The following DCAF1 variants were observed in gnomAD, a reference collection of about 807,000 sequenced individuals.
DCAF1 encodes DDB1- and CUL4-associated factor 1.
A neutral mutation model predicts 128.0 loss-of-function variants in DCAF1; 15 were observed. The observed-to-expected ratio is 0.12, with a 90% CI of 0.08 to 0.18. DCAF1 has a LOEUF of 0.18. Among genes scored for constraint, DCAF1 ranks in the 10% least tolerant of loss-of-function variants. The pLI is 1.00. For missense variants in DCAF1, 988 were observed against 1,649.5 expected (o/e 0.60, Z 6.95); for synonymous variants, 610 against 603.0 (o/e 1.01, Z -0.17).
chr3:51,492,632 T>C (rs994928733), intron 2 of DCAF1, among the ~76,000 whole-genome samples: 1 of 152,166 alleles, frequency 6.6e-6, no homozygotes, highest in Non-Finnish European at 1.5e-5. Flanking sequence ...GACTGTAGTT[T>C]AAGAAATGAG....
At position 51,415,392 on chromosome 3, in the gene DCAF1, G is replaced by A. The variant is rs186153870; in HGVS notation, c.3604-535C>T. ...CGCCTGTAGTCCCAGCTACTCAGGA[G>A]GCTGAGGTAAGAGGATTGCTTGAGT... On this transcript the variant is annotated intron_variant, in intron 18 of 24. Transcript: ENST00000684031. Among the ~76,000 whole-genome samples the A allele has an allele frequency of 3.5e-3, 526 of 152,260 alleles. 3 individuals carry two copies. The highest frequency in any genetic ancestry group is 0.012 in the African/African-American group (492 of 41,544).
upstream of DCAF1, chr3:51,500,065 G>A (rs1400560035): frequency 1.4e-5 from 2 of 139,134 alleles, no homozygotes; most frequent in African/African-American, 5.3e-5. Flanking sequence ...GCGCCTACTT[G>A]GCGCGAGGAC....
chr3:51,499,537 AAAC>A (rs1553663150), intron 1 of DCAF1, among the ~76,000 whole-genome samples: 4 of 152,098 alleles, frequency 2.6e-5, no homozygotes, highest in Non-Finnish European at 5.9e-5. Context: ...AGGAAAAAGA[AAAC>A]AAGGGAAATG....
In DCAF1 at chr3:51,398,597, G is replaced by A; in HGVS notation, c.*172C>T. 1.3e-6 allele frequency: 1 copy of A among 788,846 alleles called. No homozygotes were observed. The allele number at this position is 788,846 out of a possible 1,614,324, so 48.9% of individuals were successfully genotyped here. A position where few individuals can be genotyped will look rare whatever the true frequency, so the allele number is the denominator to read the frequency against. ...CATTTTTGTGGTGGTTATTGATTCT[G>A]GAAGGACCCTCGGGTGCCAATGAGG... On this transcript the variant is annotated 3_prime_UTR_variant, in exon 25 of 25. Transcript: ENST00000684031.
At chr3:51,431,666 C>A (rs1553635608) in intron 10 of DCAF1, among the ~76,000 whole-genome samples, 1 of 151,942 alleles carries the variant, frequency 6.6e-6, no homozygotes, top group African/African-American at 2.4e-5. Flanking sequence ...ATAAAACAAG[C>A]ATCAGCTGAG....
intron 2 of DCAF1, among the ~76,000 whole-genome samples, chr3:51,489,753 A>G (rs1263243412): frequency 2.0e-5 from 3 of 151,088 alleles, no homozygotes; most frequent in Non-Finnish European, 1.5e-5. Flanking sequence ...CACCAGTGCA[A>G]TCCAGCCTGG....
intron 1 of DCAF1, among the ~76,000 whole-genome samples, chr3:51,497,522 G>C (rs1708359753): frequency 6.6e-6 from 1 of 152,090 alleles, no homozygotes; most frequent in South Asian, 2.1e-4. Flanking sequence ...GGGAGGTGGA[G>C]GTTGCAGTGA....
At chr3:51,450,002 G>A (rs1337664226) in intron 6 of DCAF1, among the ~76,000 whole-genome samples, 1 of 152,088 alleles carries the variant, frequency 6.6e-6, no homozygotes, top group Non-Finnish European at 1.5e-5. Context: ...TCCCAAAACA[G>A]AAAAACCCAG....
intron 12 of DCAF1, 70 bp downstream of exon 12, chr3:51,429,191 T>A: frequency 1.4e-6 from 1 of 708,666 alleles, no homozygotes; most frequent in South Asian, 1.5e-5. Flanking sequence ...GATCTGAATG[T>A]GAGTTTCAGG....
At chr3:51,502,565 AT>A (rs1371766004), upstream of DCAF1, among the ~76,000 whole-genome samples, 38 of 151,696 alleles carry the variant, frequency 2.5e-4, no homozygotes, top group African/African-American at 8.0e-4. Flanking sequence ...TCAAAAAAAA[AT>A]TTTTTTTTAA....
At chr3:51,489,948 TA>T (rs1315208148) in intron 2 of DCAF1, among the ~76,000 whole-genome samples, 1 of 151,944 alleles carries the variant, frequency 6.6e-6, no homozygotes, top group Non-Finnish European at 1.5e-5. Flanking sequence ...AGAATCCACA[TA>T]AAAATTATTA....
chr3:51,476,738 T>C (rs1705503765), intron 3 of DCAF1, among the ~76,000 whole-genome samples: 1 of 150,884 alleles, frequency 6.6e-6, no homozygotes, highest in South Asian at 2.1e-4. Context: ...ATTAGCCAGG[T>C]GTGTTGGCGG....
rs1417459356 is a variant in DCAF1, at chr3:51,420,402, G to A, written c.2568C>T (p.Asn856=). The change falls in exon 15 of 25, where the codon AAC becomes AAT. Residue 856 remains asparagine, a synonymous_variant. Transcript: ENST00000684031. This position sits in a 1 kb window ranked among gnomAD's most constrained non-coding sequence, Gnocchi z 6.5. ...CTCCAAGCCCTTTAGAAATAAGATG[G>A]TTTCGTATCAACAAAAGCAGCTCTT... ...PEKELLLLIR[N]HLISKGLGET... 1 of 1,614,016 alleles carries A rather than the reference G, an allele frequency of 6.2e-7. No individual in the cohort carries two copies. Among genetic ancestry groups the A allele is most frequent in the Admixed American group, 1.7e-5 (1 of 60,016 alleles).
intron 9 of DCAF1, among the ~76,000 whole-genome samples, chr3:51,439,602 C>T (rs1389262314): frequency 6.6e-5 from 10 of 151,970 alleles, no homozygotes; most frequent in Admixed American, 5.2e-4. Context: ...CCATCATGCC[C>T]AGCTAATTCT....
At chr3:51,454,229 C>A (rs1180858054) in intron 6 of DCAF1, among the ~76,000 whole-genome samples, 2 of 152,034 alleles carry the variant, frequency 1.3e-5, no homozygotes, top group Non-Finnish European at 2.9e-5. Flanking sequence ...TTTGTAGAGC[C>A]AGGGTCTTCC....
At chr3:51,505,557 G>A in the DCAF1 span, among the ~76,000 whole-genome samples, 5 of 152,204 alleles carry the variant, frequency 3.3e-5, no homozygotes, top group African/African-American at 4.8e-5. Flanking sequence ...TAGAGGTGGC[G>A]ATGTCTCTGT....
At chr3:51,415,732 T>C (rs1370040395) in intron 18 of DCAF1, among the ~76,000 whole-genome samples, 1 of 151,878 alleles carries the variant, frequency 6.6e-6, no homozygotes, top group Non-Finnish European at 1.5e-5. Context: ...GGACTATAGG[T>C]CCCAAGCCCA....
chr3:51,402,322 G>A (rs1164926334), intron 24 of DCAF1, among the ~76,000 whole-genome samples: 1 of 152,150 alleles, frequency 6.6e-6, no homozygotes, highest in Non-Finnish European at 1.5e-5. Flanking sequence ...AGCACCCCAT[G>A]AGGGGCTGCT....
At chr3:51,502,147 G>A (rs1404057036), upstream of DCAF1, among the ~76,000 whole-genome samples, 6 of 152,264 alleles carry the variant, frequency 3.9e-5, 1 homozygote, top group South Asian at 1.2e-3. Context: ...CCGCTGGCTG[G>A]GGTCCTAAGA....
Sources: allele counts gnomAD v4.1 joint callset (sites outside exome capture counted in the v4.1 genomes callset), GRCh38; gene constraint gnomAD v4.1.1; non-coding constraint Gnocchi (gnomAD v3.1); transcripts MANE v1.5; gene names NCBI Gene and HGNC (gene_info 2026-07-23, HGNC 2026-07-21).